Variants in NDUFAF6 observed in about 807,000 individuals in gnomAD.
The protein encoded by NDUFAF6 is NADH dehydrogenase (ubiquinone) complex I, assembly factor 6.
In NDUFAF6, 45 loss-of-function variants were observed where a neutral mutation model predicts 40.8. That is an observed-to-expected ratio of 1.10 (90% CI 0.87 to 1.42). The LOEUF is 1.42. Ranked by LOEUF, NDUFAF6 falls within the 40% of genes most tolerant of loss-of-function variation. The pLI, the probability that NDUFAF6 is intolerant of heterozygous loss-of-function variation, is 0.00. For synonymous variants in NDUFAF6, 185 were observed against 155.9 expected (o/e 1.19, Z -1.39); for missense variants, 435 against 418.5 (o/e 1.04, Z -0.34).
chr8:95,044,291 G>A (rs2131875361), intron 4 of NDUFAF6, among the ~76,000 whole-genome samples: 1 of 151,910 alleles, frequency 6.6e-6, no homozygotes, highest in Non-Finnish European at 1.5e-5. Flanking sequence ...AAAATATTCT[G>A]GAATTAGATA....
intron 2 of NDUFAF6, chr8:94,950,038 T>C (rs888813289): frequency 3.3e-5 from 5 of 151,330 alleles, no homozygotes; most frequent in African/African-American, 1.2e-4. Flanking sequence ...CGCCTGCCTA[T>C]AGGCGAGGCA....
intron 1 of NDUFAF6, among the ~76,000 whole-genome samples, chr8:95,030,655 T>A (rs1357915169): frequency 6.6e-6 from 1 of 152,224 alleles, no homozygotes; most frequent in Non-Finnish European, 1.5e-5. Flanking sequence ...TACTTTTTGC[T>A]CAAGAAAATG....
chr8:95,033,734 T>G (rs1829139820), intron 2 of NDUFAF6, among the ~76,000 whole-genome samples: 2 of 151,514 alleles, frequency 1.3e-5, no homozygotes, highest in South Asian at 4.2e-4. Context: ...GGTGAGGGAG[T>G]GAGCTGTACA....
At chr8:95,044,989 G>A (rs958539184) in intron 4 of NDUFAF6, among the ~76,000 whole-genome samples, 2 of 152,014 alleles carry the variant, frequency 1.3e-5, no homozygotes, top group African/African-American at 2.4e-5. Context: ...GATGAGGTGG[G>A]CACTGGTTTC....
intron 1 of NDUFAF6, chr8:94,939,753 TA>T: frequency 1.4e-6 from 2 of 1,470,298 alleles, no homozygotes; most frequent in Non-Finnish European, 9.2e-7. Flanking sequence ...CATAAATCTC[TA>T]ACAAAATTAG....
intron 7 of NDUFAF6, among the ~76,000 whole-genome samples, chr8:95,049,083 C>G (rs1831138482): frequency 6.6e-6 from 1 of 152,214 alleles, no homozygotes; most frequent in African/African-American, 2.4e-5. Context: ...CGGGCCCTTT[C>G]CACCTTGGCA....
intron 2 of NDUFAF6, among the ~76,000 whole-genome samples, chr8:95,015,211 G>A (rs879460215): frequency 2.0e-5 from 3 of 152,172 alleles, no homozygotes; most frequent in Non-Finnish European, 4.4e-5. Context: ...GAGTTGTGCA[G>A]TGTACAACCT....
At chr8:94,940,955 C>T in intron 1 of NDUFAF6, 1 of 1,601,006 alleles carries the variant, frequency 6.2e-7, no homozygotes, top group African/African-American at 1.3e-5. Context: ...TAAGGCAAGA[C>T]TGAGAGTTTG....
chr8:95,031,131 A>G (rs1408527384), intron 1 of NDUFAF6, among the ~76,000 whole-genome samples: 8 of 152,198 alleles, frequency 5.3e-5, no homozygotes, highest in African/African-American at 4.8e-5. Flanking sequence ...GGAGGAGACA[A>G]ATATCCAGAT....
intron 1 of NDUFAF6, among the ~76,000 whole-genome samples, chr8:94,965,530 T>A (rs566133453): frequency 6.6e-6 from 1 of 152,236 alleles, no homozygotes; most frequent in South Asian, 2.1e-4. Context: ...GGGTGGGAGA[T>A]TAAGTTGTGA....
Position 95,088,800 on chromosome 8 carries a change from A to T in NDUFAF6, n.214-12332A>T, listed in dbSNP as rs182838346. ...TTTTGAGACAGCGTCTCACTTTGTCACCCAGACTGGAGTGCAGTGGCGCCA... is the reference window on the plus strand; with the variant it reads ...TTTTGAGACAGCGTCTCACTTTGTCTCCCAGACTGGAGTGCAGTGGCGCCA... On this transcript the variant is annotated intron_variant and non_coding_transcript_variant, in intron 2 of 5. Transcript: ENST00000523184. 1.1e-4 allele frequency among the ~76,000 whole-genome samples: 17 copies of T among 150,046 alleles called. No individual in the cohort carries two copies. The East Asian group carries it at 3.3e-3, about 29-fold the overall frequency.
intron 1 of NDUFAF6, chr8:94,930,258 A>C (rs966525599): frequency 1.8e-6 from 1 of 565,712 alleles, no homozygotes; most frequent in African/African-American, 1.9e-5. Context: ...TTCCAGAAAT[A>C]ATCTGAAAAA....
intron 2 of NDUFAF6, among the ~76,000 whole-genome samples, chr8:95,003,512 T>G (rs1479789704): frequency 6.6e-6 from 1 of 152,182 alleles, no homozygotes; most frequent in Non-Finnish European, 1.5e-5. Flanking sequence ...AAAATGCTAT[T>G]AGAGACAGGT....
chr8:94,976,564 C>T (rs1397250787), intron 1 of NDUFAF6, among the ~76,000 whole-genome samples: 1 of 147,064 alleles, frequency 6.8e-6, no homozygotes, highest in African/African-American at 2.5e-5. Context: ...GTCCCAGCTA[C>T]TTGGGAGGCT....
chr8:94,907,941 T>G (rs780966149), intron 1 of NDUFAF6, among the ~76,000 whole-genome samples: 1 of 152,224 alleles, frequency 6.6e-6, no homozygotes, highest in African/African-American at 2.4e-5. Flanking sequence ...GAATCTCCAG[T>G]ACCTAAAATA....
chr8:94,943,295 C>T (rs923872701), intron 1 of NDUFAF6, among the ~76,000 whole-genome samples: 3 of 152,078 alleles, frequency 2.0e-5, no homozygotes, highest in Non-Finnish European at 4.4e-5. Flanking sequence ...TGGAGACCAG[C>T]CTAGGCAACA....
chr8:94,926,662 T>C (rs544817289), intron 1 of NDUFAF6: 2 of 152,296 alleles, frequency 1.3e-5, no homozygotes, highest in Admixed American at 6.5e-5. Context: ...ATACAAAACA[T>C]TGTCCACTTA....
Position 94,916,950 on chromosome 8 carries a change from T to C in NDUFAF6, c.-936+21023T>C, listed in dbSNP as rs1052071591. On this transcript the variant is annotated intron_variant, in intron 1 of 14. Coordinates refer to the NDUFAF6 transcript ENST00000396113. ...TAATATGGTGAAACCCCGTCTCTAC[T>C]AAAAATACAAAAAATTAGCCAGGCA... Among the ~76,000 whole-genome samples the C allele has an allele frequency of 2.5e-4, 38 of 151,118 alleles. 1 individual carries two copies. The highest frequency in any genetic ancestry group is 2.4e-5 in the African/African-American group (1 of 41,080).
At position 94,931,261 on chromosome 8, in the gene NDUFAF6, T is replaced by G. The variant is rs544875447; in HGVS notation, c.-935-14222T>G. The stretch of plus-strand genomic sequence containing the variant: ...TCTTTATTTAATAGAAATTTGCATA[T>G]GGAAATTCTACTCATTTGCCATTTT... On this transcript the variant is annotated intron_variant, in intron 1 of 14. Transcript: ENST00000396113. Among the ~76,000 whole-genome samples, 52 of 152,326 alleles carry G rather than the reference T, an allele frequency of 3.4e-4. 1 individual carries two copies. The highest frequency in any genetic ancestry group is 1.2e-3 in the African/African-American group (50 of 41,574).
Sources: gnomAD v4.1 joint callset for allele counts (sites outside exome capture counted in the v4.1 genomes callset) on GRCh38, gnomAD v4.1.1 for gene constraint, MANE v1.5 for transcripts, NCBI Gene and HGNC (gene_info 2026-07-23, HGNC 2026-07-21) for gene names.